Variants in ACSF2 observed in about 807,000 individuals in gnomAD.
The protein encoded by ACSF2 is acyl-CoA synthetase family member 2.
A neutral mutation model predicts 79.3 loss-of-function variants in ACSF2; 52 were observed. The observed-to-expected ratio is 0.66, with a 90% CI of 0.53 to 0.83. ACSF2 has a LOEUF of 0.83. Among genes scored for constraint, ACSF2 ranks in the 40% least tolerant of loss-of-function variants. ACSF2 has a pLI of 0.00. For synonymous variants in ACSF2, 283 were observed against 312.6 expected (o/e 0.91, Z 1.00); for missense variants, 661 against 803.3 (o/e 0.82, Z 2.14).
intron 1 of ACSF2, among the ~76,000 whole-genome samples, chr17:50,427,563 C>G (rs1370614242): frequency 6.6e-6 from 1 of 152,094 alleles, no homozygotes; most frequent in African/African-American, 2.4e-5. Flanking sequence ...CCCTGACCCC[C>G]TAGTCTCTTA....
At chr17:50,465,998 T>G in intron 10 of ACSF2, 1 of 960,250 alleles carries the variant, frequency 1.0e-6, no homozygotes, top group South Asian at 1.5e-5. Context: ...TTTCCCAGTT[T>G]TCAAAGCAGT....
intron 1 of ACSF2, among the ~76,000 whole-genome samples, chr17:50,438,385 G>T (rs1313332306): frequency 1.3e-5 from 2 of 152,140 alleles, no homozygotes; most frequent in Non-Finnish European, 1.5e-5. Context: ...GACATTTTCA[G>T]CTTTTTTACG....
Position 50,463,431 on chromosome 17 carries a change from C to T in ACSF2, c.925C>T (p.Leu309=). The T allele has an allele frequency of 6.2e-7, 1 of 1,614,132 alleles. No individual in the cohort carries two copies. Among genetic ancestry groups the T allele is most frequent in the South Asian group, 1.1e-5 (1 of 91,090 alleles). Residue 309 remains leucine, a synonymous_variant, in exon 8 of 16, where the codon CTG becomes TTG. Coordinates refer to ENST00000300441, the MANE Select transcript of ACSF2 (RefSeq NM_025149.6). The surrounding 1 kb of genome is among the most constrained non-coding windows in gnomAD (Gnocchi z 4.6). The part of the protein sequence containing the change: ...EQLRMILPNP[L]YHCLGSVAGT... ...GTTGCGGATGATCCTGCCCAACCCC[C>T]TGTACCATTGCCTGGGTTCCGTGGC...
intron 10 of ACSF2, chr17:50,468,166 G>A (rs769764665): frequency 6.2e-7 from 1 of 1,614,068 alleles, no homozygotes; most frequent in Non-Finnish European, 8.5e-7. Context: ...CCCGTAGCTT[G>A]CTCAGGGCAG....
rs138464762 is a variant in ACSF2, at chr17:50,468,699, C to T, written c.1216-2329C>T. 18 of 1,613,298 alleles carry T rather than the reference C, an allele frequency of 1.1e-5. No individual in the cohort carries two copies. Among genetic ancestry groups the T allele is most frequent in the Non-Finnish European group, 1.5e-5 (18 of 1,180,006 alleles). On this transcript the variant is annotated intron_variant, in intron 10 of 15. Transcript: ENST00000300441. ...GGGATCTTCTGCAGCCCCACCTTGT[C>T]GCAGATGACGTGCTGCAGGTCGCTG...
intron 10 of ACSF2, chr17:50,468,010 C>G: frequency 5.2e-6 from 8 of 1,537,206 alleles, no homozygotes; most frequent in African/African-American, 1.4e-5. Flanking sequence ...GAAGAAGGAA[C>G]CAGGGCAGAG....
At chr17:50,455,500 A>T (rs1349941060) in intron 1 of ACSF2, among the ~76,000 whole-genome samples, 1 of 152,182 alleles carries the variant, frequency 6.6e-6, no homozygotes, top group African/African-American at 2.4e-5. Flanking sequence ...CAAGAGCTTC[A>T]TTCACCTGGA....
At position 50,474,309 on chromosome 17, in the gene ACSF2, T is replaced by G. The variant is rs1567867009; in HGVS notation, c.1797+42T>G. Reference sequence around the variant, plus strand: ...AGGCTGGGGAGGGCAGCCTGGGCTCTGGGGCCCCATAGGGCCCCACCTCTG... The same window carrying G: ...AGGCTGGGGAGGGCAGCCTGGGCTCGGGGGCCCCATAGGGCCCCACCTCTG... On this transcript the variant is annotated intron_variant, in intron 15 of 15. Coordinates refer to ENST00000300441, the MANE Select transcript of ACSF2 (RefSeq NM_025149.6). This position sits in a 1 kb window ranked among gnomAD's most constrained non-coding sequence, Gnocchi z 4.2. 2 of 1,610,274 alleles carry G rather than the reference T, an allele frequency of 1.2e-6. No homozygotes were observed. Among genetic ancestry groups the G allele is most frequent in the East Asian group, 4.5e-5 (2 of 44,862 alleles).
intron 1 of ACSF2, chr17:50,426,886 T>C: frequency 6.5e-7 from 1 of 1,535,628 alleles, no homozygotes; most frequent in East Asian, 2.4e-5. Flanking sequence ...CTCCTGGGCC[T>C]ATTTCCTTCT....
rs867765916 is a variant in ACSF2, at chr17:50,426,290, TG to T, written c.33del (p.Arg12GlyfsTer89). 7 of 1,410,938 alleles carry T rather than the reference TG, an allele frequency of 5.0e-6. No individual in the cohort carries two copies. The highest frequency in any genetic ancestry group is 5.6e-5 in the Admixed American group (2 of 35,600). 87.4% of individuals were successfully genotyped at this position (1,410,938 alleles called of 1,614,324 possible). A position where few individuals can be genotyped will look rare whatever the true frequency, so the allele number is the denominator to read the frequency against. On this transcript the variant is annotated frameshift_variant, in exon 1 of 16. Transcript: ENST00000300441. LOFTEE classifies it high-confidence loss of function. ...GCTGTCTACGTCGGGATGCTGCGCC[TG>T]GGGAGGCTGTGCGCCGGGAGCTCGG... MAVYVGMLR[L>X]GRLCAGSSGV...
chr17:50,469,141 C>A (rs1249541195), intron 10 of ACSF2: 27 of 664,648 alleles, frequency 4.1e-5, no homozygotes, highest in Non-Finnish European at 4.8e-5. Context: ...CCTCTGCCTA[C>A]CGCCTTTCCC....
At chr17:50,465,520 T>C (rs1424117263) in intron 10 of ACSF2, 12 of 1,542,636 alleles carry the variant, frequency 7.8e-6, no homozygotes, top group East Asian at 2.3e-5. Flanking sequence ...GGGGCCAGGA[T>C]TGACTTGGCC....
At chr17:50,461,763 TGACG>T in intron 4 of ACSF2, 77 bp downstream of exon 4, 4 of 1,566,286 alleles carry the variant, frequency 2.6e-6, no homozygotes, top group Non-Finnish European at 3.5e-6. Context: ...TGTCAGAGTC[TGACG>T]GTGTGAGCTA....
intron 1 of ACSF2, chr17:50,460,474 C>G (rs2032263815): frequency 3.4e-6 from 2 of 595,888 alleles, no homozygotes; most frequent in Non-Finnish European, 3.0e-6. Flanking sequence ...GTAACCTTGT[C>G]CCTGTCCTGC....
chr17:50,474,186 C>A lies in ACSF2; in HGVS notation c.1729-13C>A. 1 of 1,614,198 alleles carries A rather than the reference C, an allele frequency of 6.2e-7. No homozygotes were observed. Among genetic ancestry groups the A allele is most frequent in the African/African-American group, 1.3e-5 (1 of 75,066 alleles). ...GCAGCCTCACGCCTTACCTCCCTCC[C>A]TCTGGTCTGCAGATCTCTCACTTCA... On this transcript the variant is annotated splice_polypyrimidine_tract_variant and intron_variant, in intron 14 of 15. Coordinates refer to ENST00000300441, the MANE Select transcript of ACSF2 (RefSeq NM_025149.6). The surrounding 1 kb of genome is among the most constrained non-coding windows in gnomAD (Gnocchi z 4.2).
At chr17:50,460,132 C>T in intron 1 of ACSF2, 2 of 454,368 alleles carry the variant, frequency 4.4e-6, no homozygotes, top group Middle Eastern at 4.9e-4. Flanking sequence ...AGGGGCCGCC[C>T]AGCTGCCTCT....
At chr17:50,461,425 G>A in intron 3 of ACSF2, 55 bp downstream of exon 3, 1 of 1,610,510 alleles carries the variant, frequency 6.2e-7, no homozygotes. Context: ...CATCACTGAA[G>A]GGGAGCCCCT....
intron 1 of ACSF2, among the ~76,000 whole-genome samples, chr17:50,432,250 T>C (rs1477959562): frequency 6.6e-6 from 1 of 152,122 alleles, no homozygotes; most frequent in Admixed American, 6.6e-5. Flanking sequence ...TTAAATGAGG[T>C]CCCATAAGAA....
intron 3 of ACSF2, 29 bp downstream of exon 3, chr17:50,461,399 G>A (rs763866048): frequency 1.2e-6 from 2 of 1,612,990 alleles, no homozygotes; most frequent in Non-Finnish European, 1.7e-6. Context: ...GGCACAGCTT[G>A]GTGTGCATGG....
Sources: allele counts gnomAD v4.1 joint callset (sites outside exome capture counted in the v4.1 genomes callset), GRCh38; gene constraint gnomAD v4.1.1; non-coding constraint Gnocchi (gnomAD v3.1); transcripts MANE v1.5; gene names NCBI Gene and HGNC (gene_info 2026-07-23, HGNC 2026-07-21).